The following CCDC40 variants were observed in gnomAD, a reference collection of about 807,000 sequenced individuals.
The protein encoded by CCDC40 is coiled-coil domain 40 molecular ruler complex subunit.
CCDC40 carries 104 observed loss-of-function variants against 124.5 expected under a neutral mutation model. The observed-to-expected ratio is 0.84, with a 90% confidence interval of 0.71 to 0.98. The LOEUF (loss-of-function observed/expected upper bound fraction) is 0.98. Among genes scored for constraint, CCDC40 ranks in the 50% least tolerant of loss-of-function variants. The probability of loss-of-function intolerance (pLI) is 0.00; values close to 1 mark genes in which losing one functional copy is unlikely to be tolerated. For synonymous variants in CCDC40, 580 were observed against 602.9 expected, an observed-to-expected ratio of 0.96 and a Z score of 0.56; for missense variants, 1,463 against 1,503.9, an observed-to-expected ratio of 0.97 and a Z score of 0.45.
chr17:80,044,076 G>A (rs547106019), intron 3 of CCDC40, among the ~76,000 whole-genome samples: 16 of 152,286 alleles, frequency 1.1e-4, no homozygotes, highest in Admixed American at 2.0e-4. Context: ...GTTCTGTGTT[G>A]TCTTAGAATC....
intron 3 of CCDC40, among the ~76,000 whole-genome samples, chr17:80,044,701 ACAAACAAAAAAAAAAATAT>A (rs372080287): frequency 0.097 from 4,356 of 44,844 alleles, 168 homozygotes; most frequent in Middle Eastern, 0.16. Context: ...AACAAAACAA[ACAAACAAAAAAAAAAATAT>A]ATATATATAT....
Position 80,050,219 on chromosome 17 carries a change from G to A in CCDC40, c.1095G>A (p.Glu365=). 1.9e-6 allele frequency: 3 copies of A among 1,606,276 alleles called. No individual in the cohort carries two copies. The highest frequency in any genetic ancestry group is 1.7e-6 in the Non-Finnish European group (2 of 1,177,732). The part of the protein sequence containing the change: ...ASSERRQKEE[E]LQAARALYTK... ...GCGAGCGCAGGCAGAAGGAGGAGGA[G>A]CTGCAGGCCGCCCGCGCTCTCTACA... The change falls in exon 7 of 20, where the codon GAG becomes GAA. Residue 365 remains glutamate (E), a synonymous_variant. Transcript: ENST00000397545.
intron 10 of CCDC40, among the ~76,000 whole-genome samples, chr17:80,069,806 GAGAA>G (rs1184501305): frequency 2.0e-5 from 3 of 147,578 alleles, no homozygotes; most frequent in African/African-American, 5.4e-5. Flanking sequence ...GAGAGAGAGA[GAGAA>G]AAAAAGAAAG....
At chr17:80,052,451 G>T (rs1369259644) in intron 7 of CCDC40, among the ~76,000 whole-genome samples, 1 of 152,194 alleles carries the variant, frequency 6.6e-6, no homozygotes, top group Non-Finnish European at 1.5e-5. Context: ...CAGATTGGGG[G>T]TGGGTCTGCC....
chr17:80,098,615 G>T (rs1200498160), intron 19 of CCDC40, among the ~76,000 whole-genome samples: 2 of 152,196 alleles, frequency 1.3e-5, no homozygotes, highest in African/African-American at 4.8e-5. Flanking sequence ...AACGTGCCTG[G>T]CACTGGGCCT....
At chr17:80,084,344 A>G (rs796111356) in intron 12 of CCDC40, among the ~76,000 whole-genome samples, 1 of 152,082 alleles carries the variant, frequency 6.6e-6, no homozygotes, top group Non-Finnish European at 1.5e-5. Context: ...AACACACAAA[A>G]CCATCAGATC....
chr17:80,038,531 A>G (rs1214076338), intron 2 of CCDC40, among the ~76,000 whole-genome samples: 1 of 150,744 alleles, frequency 6.6e-6, no homozygotes, highest in Admixed American at 6.6e-5. Flanking sequence ...CTCTATCTCA[A>G]AAATAAATAA....
chr17:80,069,682 T>C (rs1453168243), intron 10 of CCDC40, among the ~76,000 whole-genome samples: 1 of 150,008 alleles, frequency 6.7e-6, no homozygotes, highest in Non-Finnish European at 1.5e-5. Context: ...ACCCGGGAGG[T>C]GGAGGTGGCG....
chr17:80,089,508 T>TTC (rs71163917), intron 16 of CCDC40: 5 of 390,238 alleles, frequency 1.3e-5, no homozygotes, highest in African/African-American at 6.1e-5. Flanking sequence ...TATATCCCTG[T>TTC]TCTCTCTCTC....
At chr17:80,077,578 T>G (rs966114309) in intron 10 of CCDC40, among the ~76,000 whole-genome samples, 6 of 152,220 alleles carry the variant, frequency 3.9e-5, no homozygotes, top group African/African-American at 2.4e-5. Flanking sequence ...TGGTTCCAAT[T>G]TGCATTTTCT....
At chr17:80,085,017 C>T (rs1167405249) in intron 13 of CCDC40, 29 bp downstream of exon 13, 3 of 1,611,208 alleles carry the variant, frequency 1.9e-6, no homozygotes, top group South Asian at 2.2e-5. Flanking sequence ...AGACGTGGTC[C>T]CCGGCTGACT....
At chr17:80,063,028 C>T (rs2037944612) in intron 9 of CCDC40, among the ~76,000 whole-genome samples, 1 of 152,082 alleles carries the variant, frequency 6.6e-6, no homozygotes, top group Admixed American at 6.6e-5. Flanking sequence ...AACCCCGTCT[C>T]TACTAAAAAT....
intron 1 of CCDC40, among the ~76,000 whole-genome samples, chr17:80,037,711 A>ATATATATATATATATATC (rs2037153281): frequency 7.1e-6 from 1 of 141,528 alleles, no homozygotes; most frequent in Admixed American, 7.1e-5. Context: ...ATATATATAT[A>ATATATATATATATATATC]TATATATATT....
intron 3 of CCDC40, among the ~76,000 whole-genome samples, chr17:80,046,234 G>T (rs372711659): frequency 1.3e-5 from 2 of 151,942 alleles, no homozygotes; most frequent in African/African-American, 2.4e-5. Flanking sequence ...ACTCTCCCCC[G>T]CCCAGGGAAT....
chr17:80,090,639 G>A, intron 17 of CCDC40: 6 of 1,452,236 alleles, frequency 4.1e-6, no homozygotes, highest in Non-Finnish European at 5.4e-6. Context: ...GGCTCAGAGA[G>A]CACCCCCATC....
Position 80,099,871 on chromosome 17 carries a change from C to G in CCDC40, c.*96C>G. ...TGGAATCTTTTGTGTTCCTAAAAAC[C>G]ACATGTACCCTCAGAAGGGCATCGT... On this transcript the variant is annotated 3_prime_UTR_variant, in exon 20 of 20. Transcript: ENST00000397545. The G allele has an allele frequency of 7.3e-7, 1 of 1,370,308 alleles. No individual in the cohort carries two copies. The highest frequency in any genetic ancestry group is 1.0e-6 in the Non-Finnish European group (1 of 986,188). 84.9% of individuals were successfully genotyped at this position (1,370,308 alleles called of 1,614,324 possible).
At chr17:80,090,322 C>T (rs2038693020) in intron 17 of CCDC40, 4 of 659,472 alleles carry the variant, frequency 6.1e-6, no homozygotes, top group Non-Finnish European at 6.9e-6. Context: ...CAACACGGGA[C>T]GCGCGCAGGC....
Position 80,078,546 on chromosome 17 carries a change from G to A in CCDC40, c.1563-3000G>A, listed in dbSNP as rs574554830. Among the ~76,000 whole-genome samples, 10 of 152,154 alleles carry A rather than the reference G, an allele frequency of 6.6e-5. No individual in the cohort carries two copies. In the South Asian group the frequency reaches 1.2e-3, roughly 19 times the overall value. ...ACTTGTTGAAAAGACTGTCCTTTCC[G>A]TATTGAAATCCTGTGACACCTTTGT... On this transcript the variant is annotated intron_variant, in intron 10 of 19. Coordinates refer to ENST00000397545, the MANE Select transcript of CCDC40 (RefSeq NM_017950.4).
At chr17:80,068,137 G>T in intron 10 of CCDC40, 1 of 246,750 alleles carries the variant, frequency 4.1e-6, no homozygotes, top group African/African-American at 2.3e-5. Flanking sequence ...GGGTTCAAGC[G>T]ATTCTCCTGC....
Sources: allele counts gnomAD v4.1 joint callset (sites outside exome capture counted in the v4.1 genomes callset), GRCh38; gene constraint gnomAD v4.1.1; transcripts MANE v1.5; gene names NCBI Gene and HGNC (gene_info 2026-07-23, HGNC 2026-07-21).